BRD4: variants seen among roughly 807,000 people sequenced by gnomAD.
BRD4 encodes the protein bromodomain containing 4, also known as bromodomain-containing protein 4.
In BRD4, 16 loss-of-function variants were observed where a neutral mutation model predicts 142.1. The ratio of observed to expected loss-of-function variants is 0.11; its 90% CI spans 0.08 to 0.17. BRD4 has a LOEUF of 0.17. Ranked by LOEUF, BRD4 falls within the 10% of genes least tolerant of loss-of-function variation. The probability of loss-of-function intolerance (pLI) is 1.00; values close to 1 mark genes in which losing one functional copy is unlikely to be tolerated. For synonymous variants in BRD4, 833 were observed against 707.5 expected, an observed-to-expected ratio of 1.18 and a Z score of -2.82; for missense variants, 1,424 against 1,810.9, an observed-to-expected ratio of 0.79 and a Z score of 3.88.
chr19:15,257,296 T>C (rs1289247013), intron 7 of BRD4, 123 bp from the exon 8 acceptor site: 29 of 935,018 alleles, frequency 3.1e-5, no homozygotes, highest in Non-Finnish European at 4.2e-5. Context: ...AAGAGGATGG[T>C]GATCCTGTCT....
At chr19:15,243,765 C>T (rs545405348) in intron 13 of BRD4, among the ~76,000 whole-genome samples, 34 of 152,302 alleles carry the variant, frequency 2.2e-4, no homozygotes, top group African/African-American at 7.7e-4. Flanking sequence ...GTGCAGAACT[C>T]GGTCTCTCAC....
Position 15,288,472 on chromosome 19 carries a change from C to T in BRD4, c.-34-15339G>A, listed in dbSNP as rs1314170685. Among the ~76,000 whole-genome samples the T allele has an allele frequency of 6.6e-5, 10 of 152,288 alleles. No homozygotes were observed. The East Asian group carries it at 1.9e-3, about 29-fold the overall frequency. Reference sequence around the variant, plus strand: ...ATCCAGTTATAAACTTGGACAATCACCCATCAAAAATCAGCTCCTTCCCAG... The same window carrying T: ...ATCCAGTTATAAACTTGGACAATCATCCATCAAAAATCAGCTCCTTCCCAG... On this transcript the variant is annotated intron_variant, in intron 1 of 19. Transcript: ENST00000679869.
chr19:15,330,863 GCTTT>G (rs1238636810), intron 1 of BRD4, among the ~76,000 whole-genome samples: 1 of 152,092 alleles, frequency 6.6e-6, no homozygotes, highest in African/African-American at 2.4e-5. Context: ...TTTGAGTATC[GCTTT>G]CTTTACAACT....
At chr19:15,309,990 C>T (rs1380206360) in intron 1 of BRD4, among the ~76,000 whole-genome samples, 1 of 152,088 alleles carries the variant, frequency 6.6e-6, no homozygotes, top group Admixed American at 6.6e-5. Context: ...TGGTAAGCAC[C>T]CTCGCACTTA....
rs774575755 is a variant in BRD4 at position 15,239,203 on chromosome 19, G to A, written c.3638C>T (p.Pro1213Leu). ...GCTGGATGACTTGGCTGTGGAGGAG[G>A]GGGTGGTCGGATGCTTCTGCACTAG... Reference protein sequence around the residue: ...ASLVQKHPTTPSSTAKSSSDS... With the variant: ...ASLVQKHPTTLSSTAKSSSDS... The change falls in exon 18 of 20, where the codon CCC (proline) becomes CTC (leucine). Residue 1213 changes from proline (P) to leucine (L), a missense_variant. Physicochemically the swap from Pro to Leu is moderately conservative, Grantham distance 98. Around this residue, in one of 16 missense-constraint regions of BRD4, gnomAD observed 49 missense variants for 97.3 expected, o/e 0.50. Coordinates refer to ENST00000679869, the MANE Select transcript of BRD4 (RefSeq NM_001379291.1). This position sits in a 1 kb window ranked among gnomAD's most constrained non-coding sequence, Gnocchi z 7.4. 5.6e-6 allele frequency: 9 copies of A among 1,613,018 alleles called. No homozygotes were observed. Among genetic ancestry groups the A allele is most frequent in the Non-Finnish European group, 7.6e-6 (9 of 1,180,024 alleles).
At chr19:15,252,059 T>G (rs1167909527) in intron 11 of BRD4, among the ~76,000 whole-genome samples, 1 of 152,170 alleles carries the variant, frequency 6.6e-6, no homozygotes, top group Non-Finnish European at 1.5e-5. Context: ...TCTTTCCACT[T>G]TTTTTTAAAG....
At chr19:15,317,271 G>A (rs1037226444) in intron 1 of BRD4, among the ~76,000 whole-genome samples, 2 of 152,180 alleles carry the variant, frequency 1.3e-5, no homozygotes, top group African/African-American at 4.8e-5. Context: ...TAGAGGCTTA[G>A]AAATATTCGC....
intron 7 of BRD4, among the ~76,000 whole-genome samples, chr19:15,260,671 G>A (rs34912569): frequency 0.16 from 24,016 of 152,018 alleles, 2,009 homozygotes; most frequent in Middle Eastern, 0.2. Context: ...ACTCCAGTCC[G>A]GCACCTGGAG....
At position 15,238,245 on chromosome 19, in the gene BRD4, G is replaced by C. The variant is rs138078796; in HGVS notation, c.*132C>G. On this transcript the variant is annotated 3_prime_UTR_variant, in exon 20 of 20. Transcript: ENST00000679869. The surrounding 1 kb of genome is among the most constrained non-coding windows in gnomAD (Gnocchi z 7.2). ...CTCAGCTGCCCGTCAGGCCTGCCCC[G>C]GGCATAGCATGCAGGAGGGCCAGGC... The C allele has an allele frequency of 4.7e-5, 68 of 1,451,766 alleles. No individual in the cohort carries two copies. The highest frequency in any genetic ancestry group is 6.0e-5 in the Non-Finnish European group (64 of 1,074,300). 89.9% of individuals were successfully genotyped at this position (1,451,766 alleles called of 1,614,324 possible).
At chr19:15,262,031 G>A (rs964879079) in intron 7 of BRD4, among the ~76,000 whole-genome samples, 2 of 152,228 alleles carry the variant, frequency 1.3e-5, no homozygotes, top group African/African-American at 4.8e-5. Context: ...TCAAGAGTTT[G>A]AGCACATGTC....
At chr19:15,265,233 G>A (rs1268910634) in intron 5 of BRD4, 121 bp downstream of exon 5, 1 of 1,009,400 alleles carries the variant, frequency 9.9e-7, no homozygotes, top group Non-Finnish European at 1.4e-6. Flanking sequence ...AACACAGCAA[G>A]ATCTCCCCAG....
At chr19:15,330,392 T>G (rs780797093) in intron 1 of BRD4, among the ~76,000 whole-genome samples, 1 of 152,218 alleles carries the variant, frequency 6.6e-6, no homozygotes, top group African/African-American at 2.4e-5. Flanking sequence ...AGCGCTTGGT[T>G]ATCTACAACG....
chr19:15,285,420 C>T (rs888136385), intron 1 of BRD4, among the ~76,000 whole-genome samples: 2 of 152,184 alleles, frequency 1.3e-5, no homozygotes, highest in Non-Finnish European at 2.9e-5. Flanking sequence ...GTGGTGCACG[C>T]CTGTGGTCCC....
At chr19:15,255,960 G>C in intron 9 of BRD4, 104 bp downstream of exon 9, 1 of 1,450,170 alleles carries the variant, frequency 6.9e-7, no homozygotes, top group Middle Eastern at 2.6e-4. Context: ...CAGAGGGGCA[G>C]CCTCCGCACC....
intron 1 of BRD4, chr19:15,275,670 G>A (rs2047638760): frequency 6.6e-6 from 1 of 152,202 alleles, no homozygotes; most frequent in Non-Finnish European, 1.5e-5. Flanking sequence ...GTAGCTACCA[G>A]TACCCCAAAG....
Position 15,238,220 on chromosome 19 carries a change from C to G in BRD4, c.*157G>C, listed in dbSNP as rs2047209409. On this transcript the variant is annotated 3_prime_UTR_variant, in exon 20 of 20. Transcript: ENST00000679869. This position sits in a 1 kb window ranked among gnomAD's most constrained non-coding sequence, Gnocchi z 7.2. ...CGTAAGGCAGACAGGCTCTGCAATC[C>G]TCAGCTGCCCGTCAGGCCTGCCCCG... is the stretch of plus-strand genomic sequence containing the variant. The G allele has an allele frequency of 1.6e-6, 2 of 1,242,776 alleles. No individual in the cohort carries two copies. Among genetic ancestry groups the G allele is most frequent in the Non-Finnish European group, 1.1e-6 (1 of 905,580 alleles). 77.0% of individuals were successfully genotyped at this position (1,242,776 alleles called of 1,614,324 possible). A position where few individuals can be genotyped will look rare whatever the true frequency, so the allele number is the denominator to read the frequency against.
chr19:15,316,602 A>C (rs188968878), intron 1 of BRD4, among the ~76,000 whole-genome samples: 239 of 152,330 alleles, frequency 1.6e-3, no homozygotes, highest in Non-Finnish European at 2.6e-3. Context: ...AAAAAAAAAG[A>C]AAAAGAAAAA....
chr19:15,265,947 GGGACAGAGAGC>G (rs926819840), intron 4 of BRD4, among the ~76,000 whole-genome samples: 7 of 152,192 alleles, frequency 4.6e-5, no homozygotes, highest in African/African-American at 1.7e-4. Context: ...ATGCTGACAG[GGGACAGAGAGC>G]GGGAAAACAC....
In BRD4 at chr19:15,280,545, C is replaced by T; in HGVS notation, c.-34-7412G>A. 4 of 693,066 alleles carry T rather than the reference C, an allele frequency of 5.8e-6. No individual in the cohort carries two copies. In the South Asian group the frequency reaches 2.6e-4, roughly 45 times the overall value. 42.9% of individuals were successfully genotyped at this position (693,066 alleles called of 1,614,324 possible). On this transcript the variant is annotated intron_variant, in intron 1 of 19. Coordinates refer to ENST00000679869, the MANE Select transcript of BRD4 (RefSeq NM_001379291.1). The stretch of plus-strand genomic sequence containing the variant: ...ATATATCCCGTGTCATAGGTGAAAT[C>T]TAAAACATACCACTGTGCTGAAGTC...
Sources: gnomAD v4.1 joint callset for allele counts (sites outside exome capture counted in the v4.1 genomes callset) on GRCh38, gnomAD v4.1.1 for gene constraint, gnomAD v4.1.1 regional missense constraint, Gnocchi (gnomAD v3.1) non-coding constraint, MANE v1.5 for transcripts, NCBI Gene and HGNC (gene_info 2026-07-23, HGNC 2026-07-21) for gene names.